Variants in DMD observed in about 807,000 individuals in gnomAD.
DMD encodes dystrophin.
Under a neutral mutation model 330.1 loss-of-function variants are expected in DMD, and 63 were observed. The ratio of observed to expected loss-of-function variants is 0.19; its 90% CI spans 0.16 to 0.24. DMD has a LOEUF of 0.24. DMD is among the 10% of genes least tolerant of loss of function. The pLI is 1.00. For missense variants in DMD, 3,344 were observed against 2,684.1 expected, an observed-to-expected ratio of 1.25 and a Z score of -5.43; for synonymous variants, 1,223 against 959.8, an observed-to-expected ratio of 1.27 and a Z score of -5.07.
intron 44 of DMD, among the ~76,000 whole-genome samples, chrX:32,021,418 T>A (rs1475424148): frequency 9.0e-6 from 1 of 111,721 alleles, no homozygotes; most frequent in Non-Finnish European, 1.9e-5. Context: ...AAGATAATGG[T>A]TACTTTTGGC....
At chrX:32,442,046 G>A (rs987054844) in intron 27 of DMD, among the ~76,000 whole-genome samples, 1 of 110,572 alleles carries the variant, frequency 9.0e-6, no homozygotes, top group African/African-American at 3.3e-5. Context: ...ATACACAGAA[G>A]TACTCATAAA....
intron 44 of DMD, among the ~76,000 whole-genome samples, chrX:32,176,704 A>G (rs1395947717): frequency 9.0e-6 from 1 of 110,918 alleles, no homozygotes; most frequent in African/African-American, 3.3e-5. Context: ...GTCACTTGTG[A>G]CATGAAGTGA....
chrX:33,154,864 G>T (rs749557944), intron 1 of DMD, among the ~76,000 whole-genome samples: 4 of 111,929 alleles, frequency 3.6e-5, no homozygotes, highest in African/African-American at 1.3e-4. Flanking sequence ...AGAGTAAAAG[G>T]TTATTTTCCT....
chrX:32,848,627 T>C (rs1219300955), intron 3 of DMD, among the ~76,000 whole-genome samples: 2 of 108,692 alleles, frequency 1.8e-5, no homozygotes, highest in African/African-American at 6.6e-5. Context: ...GTATGTCTCT[T>C]CTGTATAGGA....
At chrX:32,033,595 C>G (rs2077896) in intron 44 of DMD, among the ~76,000 whole-genome samples, 30 of 33,660 alleles carry the variant, frequency 8.9e-4, no homozygotes, top group Non-Finnish European at 1.3e-3. Context: ...ACAAGACAGA[C>G]AGACAGACAG....
intron 41 of DMD, among the ~76,000 whole-genome samples, chrX:32,316,957 T>C (rs907580260): frequency 9.0e-6 from 1 of 111,466 alleles, no homozygotes; most frequent in African/African-American, 3.2e-5. Context: ...AAATATCATG[T>C]TCATTTTCTC....
chrX:33,252,014 A>T (rs1314202923), intron 1 of DMD, among the ~76,000 whole-genome samples: 1 of 112,369 alleles, frequency 8.9e-6, no homozygotes, highest in Non-Finnish European at 1.9e-5. Flanking sequence ...CTACTCAAGC[A>T]TTTAGAACAT....
chrX:32,752,370 A>G (rs1415059412), intron 7 of DMD, among the ~76,000 whole-genome samples: 1 of 110,825 alleles, frequency 9.0e-6, no homozygotes, highest in Admixed American at 9.7e-5. Context: ...GAGCTTTAAG[A>G]TTTGACAGCC....
chrX:31,670,850 C>G (rs1217650780), intron 53 of DMD, among the ~76,000 whole-genome samples: 1 of 111,423 alleles, frequency 9.0e-6, no homozygotes, highest in Non-Finnish European at 1.9e-5. Flanking sequence ...TTTGCAGATA[C>G]CTGGGCTCAG....
At position 32,545,142 on chromosome X, in the gene DMD, GC is replaced by G; in HGVS notation, c.2168+16del. 1 of 1,203,998 alleles carries G rather than the reference GC, an allele frequency of 8.3e-7. No homozygotes were observed. The highest frequency in any genetic ancestry group is 1.1e-6 in the Non-Finnish European group (1 of 889,010). On this transcript the variant is annotated intron_variant, in intron 17 of 78. Coordinates refer to ENST00000357033, the MANE Select transcript of DMD (RefSeq NM_004006.3). Reference sequence around the variant, plus strand: ...TTCTCCACTTCATTTGCAGATAAAAGCTTAAGATGCTCTCACCTTTTCCTAA... The same window carrying G: ...TTCTCCACTTCATTTGCAGATAAAAGTTAAGATGCTCTCACCTTTTCCTAA...
intron 71 of DMD, among the ~76,000 whole-genome samples, chrX:31,174,654 G>C (rs1248638795): frequency 9.0e-6 from 1 of 111,590 alleles, no homozygotes; most frequent in Non-Finnish European, 1.9e-5. Flanking sequence ...GTTTAGCCCA[G>C]TGTCCAAGTA....
intron 52 of DMD, among the ~76,000 whole-genome samples, chrX:31,708,241 G>T (rs750302104): frequency 4.0e-4 from 45 of 111,385 alleles, no homozygotes; most frequent in African/African-American, 1.4e-3. Context: ...TTTGGCTCTT[G>T]AACTATTGCA....
intron 44 of DMD, among the ~76,000 whole-genome samples, chrX:32,176,959 T>G (rs1425219207): frequency 9.0e-6 from 1 of 111,486 alleles, no homozygotes; most frequent in Non-Finnish European, 1.9e-5. Context: ...ACTGATCACT[T>G]ATTATTTTCC....
chrX:32,643,779 G>C (rs1367693918), intron 11 of DMD, among the ~76,000 whole-genome samples: 3 of 111,455 alleles, frequency 2.7e-5, no homozygotes, highest in Non-Finnish European at 5.7e-5. Flanking sequence ...GTCAACTATA[G>C]CTAATAGGTG....
intron 52 of DMD, among the ~76,000 whole-genome samples, chrX:31,689,959 A>G (rs1045529791): frequency 8.9e-6 from 1 of 112,109 alleles, no homozygotes; most frequent in African/African-American, 3.2e-5. Context: ...TACCATATAC[A>G]AAAATTAATT....
At chrX:32,645,278 G>C (rs1051930367) in intron 9 of DMD, 126 bp from the exon 10 acceptor site, 62 of 707,275 alleles carry the variant, frequency 8.8e-5, no homozygotes, top group Non-Finnish European at 8.3e-6. Context: ...ATCAAACACA[G>C]GAACAGCAGA....
chrX:32,241,627 G>T (rs909509220), intron 43 of DMD, among the ~76,000 whole-genome samples: 15 of 112,301 alleles, frequency 1.3e-4, no homozygotes, highest in Non-Finnish European at 2.4e-4. Context: ...TGTCAAGTCT[G>T]TCAGGGACTT....
chrX:31,472,736 T>C (rs2067392572), intron 59 of DMD, among the ~76,000 whole-genome samples: 1 of 112,176 alleles, frequency 8.9e-6, no homozygotes, highest in South Asian at 3.7e-4. Context: ...TTCATCATAA[T>C]TTCTAGCCTA....
intron 62 of DMD, among the ~76,000 whole-genome samples, chrX:31,298,747 T>A: frequency 8.9e-6 from 1 of 112,062 alleles, no homozygotes; most frequent in Middle Eastern, 4.6e-3. Flanking sequence ...AATGAGTAAA[T>A]GCTGCTCAGC....
Sources: allele counts gnomAD v4.1 joint callset (sites outside exome capture counted in the v4.1 genomes callset), GRCh38; gene constraint gnomAD v4.1.1; transcripts MANE v1.5; gene names NCBI Gene and HGNC (gene_info 2026-07-23, HGNC 2026-07-21).